The following LRP1B variants were observed in gnomAD, a reference collection of about 807,000 sequenced individuals.
LRP1B encodes the protein low-density lipoprotein receptor-related protein 1B.
A neutral mutation model predicts 556.6 loss-of-function variants in LRP1B; 217 were observed. The observed-to-expected ratio is 0.39, with a 90% confidence interval of 0.35 to 0.44. The LOEUF (loss-of-function observed/expected upper bound fraction) is 0.44. Among genes scored for constraint, LRP1B ranks in the 20% least tolerant of loss-of-function variants. LRP1B has a pLI of 1.00. For missense variants in LRP1B, 5,053 were observed against 5,620.8 expected (o/e 0.90, Z 3.23); for synonymous variants, 2,047 against 1,865.8 (o/e 1.10, Z -2.50).
intron 2 of LRP1B, among the ~76,000 whole-genome samples, chr2:141,582,992 T>G (rs917080775): frequency 6.6e-6 from 1 of 151,834 alleles, no homozygotes; most frequent in Admixed American, 6.6e-5. Flanking sequence ...CCCGCCACCA[T>G]GCCTGGCTAA....
chr2:140,871,204 A>G (rs958268306), intron 25 of LRP1B, among the ~76,000 whole-genome samples: 10 of 152,114 alleles, frequency 6.6e-5, no homozygotes, highest in African/African-American at 2.4e-4. Context: ...CTCAAACCCC[A>G]TTTTCTCATC....
At chr2:141,157,179 T>G (rs1304263859) in intron 7 of LRP1B, among the ~76,000 whole-genome samples, 2 of 152,164 alleles carry the variant, frequency 1.3e-5, no homozygotes, top group Non-Finnish European at 2.9e-5. Flanking sequence ...TTTTATTTGC[T>G]CTCAAGTTTT....
intron 7 of LRP1B, among the ~76,000 whole-genome samples, chr2:141,121,851 A>G (rs901930071): frequency 6.6e-6 from 1 of 152,200 alleles, no homozygotes; most frequent in Non-Finnish European, 1.5e-5. Flanking sequence ...ACTTCATGCT[A>G]TACTACAAGG....
chr2:140,584,206 AGAG>A (rs1400840278), intron 43 of LRP1B, among the ~76,000 whole-genome samples: 2 of 152,126 alleles, frequency 1.3e-5, no homozygotes, highest in African/African-American at 4.8e-5. Flanking sequence ...TAAGAAATTC[AGAG>A]AAGAGAAAAA....
chr2:141,649,120 A>G (rs13008705), intron 2 of LRP1B, among the ~76,000 whole-genome samples: 11,927 of 152,232 alleles, frequency 0.078, 597 homozygotes, highest in South Asian at 0.15. Flanking sequence ...ACACATTCCT[A>G]GGTTAATTCA....
At chr2:140,371,419 G>A (rs1218149892) in intron 69 of LRP1B, 134 bp from the exon 70 acceptor site, 4 of 402,214 alleles carry the variant, frequency 9.9e-6, no homozygotes, top group Non-Finnish European at 1.8e-5. Context: ...GACATTTAAT[G>A]ACTGGTATTA....
chr2:142,071,815 C>T (rs1022498083), intron 1 of LRP1B, among the ~76,000 whole-genome samples: 3 of 151,964 alleles, frequency 2.0e-5, no homozygotes, highest in African/African-American at 4.8e-5. Context: ...CATAGCTGCT[C>T]CCCTTCTCTC....
chr2:140,387,121 C>T (rs1336539792), intron 66 of LRP1B, among the ~76,000 whole-genome samples: 2 of 152,122 alleles, frequency 1.3e-5, no homozygotes, highest in East Asian at 3.9e-4. Flanking sequence ...ATTTCCCTTT[C>T]GTGTACTTAG....
At chr2:141,533,706 A>G (rs1396555006) in intron 2 of LRP1B, among the ~76,000 whole-genome samples, 1 of 152,088 alleles carries the variant, frequency 6.6e-6, no homozygotes, top group Non-Finnish European at 1.5e-5. Flanking sequence ...CCTGCTCAAT[A>G]TGGGGTCCAT....
At chr2:140,404,168 C>T (rs953566752) in intron 66 of LRP1B, among the ~76,000 whole-genome samples, 3 of 92,444 alleles carry the variant, frequency 3.2e-5, no homozygotes, top group African/African-American at 8.9e-5. Context: ...AATAGAACTT[C>T]TTTTTTTTTT....
chr2:140,850,340 A>ATTTCT lies in LRP1B; in HGVS notation c.4712-12_4712-11insAGAAA. ...GAAATTTTTTCATTTCTAAAAAAGA[A>ATTTCT]ATAGAAATTCTTTTCTCTTATGAAG... On this transcript the variant is annotated splice_polypyrimidine_tract_variant and intron_variant, in intron 28 of 90. Coordinates refer to ENST00000389484, the MANE Select transcript of LRP1B (RefSeq NM_018557.3). 1 of 1,525,646 alleles carries ATTTCT rather than the reference A, an allele frequency of 6.6e-7. No homozygotes were observed. The highest frequency in any genetic ancestry group is 9.0e-7 in the Non-Finnish European group (1 of 1,111,880). 94.5% of individuals were successfully genotyped at this position (1,525,646 alleles called of 1,614,324 possible).
intron 33 of LRP1B, 146 bp from the exon 34 acceptor site, chr2:140,771,152 T>C (rs1689297871): frequency 3.6e-6 from 2 of 558,342 alleles, no homozygotes; most frequent in African/African-American, 2.0e-5. Context: ...CGCTTTATTC[T>C]CTTGAATAAT....
At chr2:140,903,806 C>T (rs1218837671) in intron 22 of LRP1B, among the ~76,000 whole-genome samples, 3 of 128,064 alleles carry the variant, frequency 2.3e-5, no homozygotes, top group Non-Finnish European at 3.3e-5. Context: ...ATAAGCAAAA[C>T]ACTAAAAAAA....
At chr2:140,705,844 A>G (rs187982166) in intron 37 of LRP1B, among the ~76,000 whole-genome samples, 2 of 152,264 alleles carry the variant, frequency 1.3e-5, no homozygotes, top group Admixed American at 1.3e-4. Flanking sequence ...TTAGAGTTAA[A>G]TAATTTATCA....
intron 35 of LRP1B, among the ~76,000 whole-genome samples, chr2:140,726,220 G>C (rs114363025): frequency 6.6e-6 from 1 of 152,122 alleles, no homozygotes; most frequent in Non-Finnish European, 1.5e-5. Flanking sequence ...CAGTACTAAA[G>C]AGATTTTCAG....
chr2:141,120,835 T>C (rs1398785212), intron 7 of LRP1B, among the ~76,000 whole-genome samples: 1 of 151,962 alleles, frequency 6.6e-6, no homozygotes, highest in Non-Finnish European at 1.5e-5. Context: ...TTGAAACAAG[T>C]GGTTACAGTC....
chr2:141,804,682 G>C (rs1391588837), intron 2 of LRP1B, among the ~76,000 whole-genome samples: 1 of 151,970 alleles, frequency 6.6e-6, no homozygotes, highest in Non-Finnish European at 1.5e-5. Flanking sequence ...AAGGTAAGAT[G>C]CATCATTGGT....
intron 83 of LRP1B, among the ~76,000 whole-genome samples, chr2:140,301,860 T>C (rs1683841611): frequency 1.3e-5 from 2 of 151,854 alleles, no homozygotes; most frequent in Non-Finnish European, 2.9e-5. Flanking sequence ...TATATGAATA[T>C]ATATGCAATA....
chr2:140,340,207 G>A (rs1681303343), intron 77 of LRP1B, among the ~76,000 whole-genome samples: 2 of 151,282 alleles, frequency 1.3e-5, no homozygotes, highest in Non-Finnish European at 3.0e-5. Flanking sequence ...TATCACAGAT[G>A]ATTATAAAAC....
Sources: allele counts gnomAD v4.1 joint callset (sites outside exome capture counted in the v4.1 genomes callset), GRCh38; gene constraint gnomAD v4.1.1; transcripts MANE v1.5; gene names NCBI Gene and HGNC (gene_info 2026-07-23, HGNC 2026-07-21).